Variants in BCR observed in about 807,000 individuals in gnomAD.
BCR encodes breakpoint cluster region protein.
BCR carries 58 observed loss-of-function variants against 138.6 expected under a neutral mutation model. The observed-to-expected ratio is 0.42, with a 90% CI of 0.34 to 0.52. BCR has a LOEUF of 0.52. BCR is among the 20% of genes least tolerant of loss of function. BCR has a pLI of 0.06. For missense variants in BCR, 1,599 were observed against 1,727.2 expected, an observed-to-expected ratio of 0.93 and a Z score of 1.32; for synonymous variants, 786 against 730.1, an observed-to-expected ratio of 1.08 and a Z score of -1.23.
At chr22:23,259,327 A>G (rs2146273055) in intron 2 of BCR, among the ~76,000 whole-genome samples, 1 of 152,180 alleles carries the variant, frequency 6.6e-6, no homozygotes, top group East Asian at 1.9e-4. Context: ...TCTTCACATA[A>G]TGTTCCCTCC....
chr22:23,284,251 C>T (rs771064580), intron 9 of BCR, among the ~76,000 whole-genome samples, 153 bp downstream of exon 9: 42 of 151,988 alleles, frequency 2.8e-4, no homozygotes, highest in Non-Finnish European at 2.8e-4. Flanking sequence ...TAAAGATTGT[C>T]ACTAGCAATC....
At chr22:23,240,340 T>G (rs1053008801) in intron 1 of BCR, among the ~76,000 whole-genome samples, 9 of 149,938 alleles carry the variant, frequency 6.0e-5, no homozygotes, top group Non-Finnish European at 1.2e-4. Context: ...TGTGTGTGTG[T>G]GTGTCTGTCT....
rs530456188 is a variant in BCR, at chr22:23,208,708, A to G, written c.1279+26469A>G. ...TCTCTACTAAAAATACAAAATAATT[A>G]GCCAGGCATGGTAGCGGGCGCCTGT... On this transcript the variant is annotated intron_variant, in intron 1 of 22. Coordinates refer to ENST00000305877, the MANE Select transcript of BCR (RefSeq NM_004327.4). 3.9e-5 allele frequency among the ~76,000 whole-genome samples: 6 copies of G among 152,274 alleles called. No homozygotes were observed. The East Asian group carries it at 7.7e-4, about 20-fold the overall frequency.
At chr22:23,210,364 C>T (rs923198339) in intron 1 of BCR, among the ~76,000 whole-genome samples, 1 of 151,360 alleles carries the variant, frequency 6.6e-6, no homozygotes, top group African/African-American at 2.4e-5. Flanking sequence ...TTGCGGTGAG[C>T]CACAATTGTG....
intron 11 of BCR, 105 bp from the exon 12 acceptor site, chr22:23,287,992 G>C (rs1703015109): frequency 8.9e-7 from 1 of 1,127,970 alleles, no homozygotes; most frequent in Non-Finnish European, 1.3e-6. Context: ...CTGGGCTCCA[G>C]CCGGCTGGAG....
Position 23,315,417 on chromosome 22 carries a change from T to C in BCR, c.3727-16T>C, listed in dbSNP as rs116411381. The C allele has an allele frequency of 4.9e-3, 7,958 of 1,612,834 alleles. 30 individuals are homozygous for C. Among genetic ancestry groups the C allele is most frequent in the Non-Finnish European group, 5.9e-3 (6,936 of 1,179,200 alleles). On this transcript the variant is annotated splice_polypyrimidine_tract_variant and intron_variant, in intron 22 of 22. Coordinates refer to ENST00000305877, the MANE Select transcript of BCR (RefSeq NM_004327.4). ...CGCTCTGAGCCACTCTTCTCTTCCC[T>C]ACTCTGCCCGGGCAGGTCCAGGTGC...
At position 23,253,871 on chromosome 22, in the gene BCR, A is replaced by G; in HGVS notation, c.1352A>G (p.Asp451Gly). Residue 451 changes from aspartate to glycine, a missense_variant, in exon 2 of 23, where the codon GAT (aspartate) becomes GGT (glycine). Physicochemically the swap from Asp to Gly is moderately conservative, Grantham distance 94 (BLOSUM62 -1). This residue lies in a region of BCR where 590 missense variants were observed against 762.4 expected (regional missense o/e 0.77). Coordinates refer to ENST00000305877, the MANE Select transcript of BCR (RefSeq NM_004327.4). ...GCAGAGGAGCAGCGCCGGCACCAAGATGGGCTGCCCTACATTGATGACTCG... is the reference window on the plus strand; with the variant it reads ...GCAGAGGAGCAGCGCCGGCACCAAGGTGGGCTGCCCTACATTGATGACTCG... ...DRAEEQRRHQDGLPYIDDSPS... is the reference protein window; with the variant it reads ...DRAEEQRRHQGGLPYIDDSPS... 1 of 1,613,016 alleles carries G rather than the reference A, an allele frequency of 6.2e-7. No individual in the cohort carries two copies. Among genetic ancestry groups the G allele is most frequent in the South Asian group, 1.1e-5 (1 of 91,050 alleles).
chr22:23,188,761 T>A (rs1371673765), intron 1 of BCR, among the ~76,000 whole-genome samples: 1 of 143,030 alleles, frequency 7.0e-6, no homozygotes, highest in African/African-American at 2.6e-5. Context: ...GTGGCTCAAG[T>A]AGGTTTTTTT....
At chr22:23,198,150 G>T in intron 1 of BCR, 1 of 323,602 alleles carries the variant, frequency 3.1e-6, no homozygotes, top group South Asian at 2.5e-5. Context: ...ACAGAAGCCA[G>T]GCTCCAAGTG....
chr22:23,308,689 A>C (rs187640008), intron 16 of BCR, among the ~76,000 whole-genome samples: 1 of 152,336 alleles, frequency 6.6e-6, no homozygotes, highest in Non-Finnish European at 1.5e-5. Flanking sequence ...CCGCTGACAT[A>C]GAACGTGCTC....
intron 1 of BCR, chr22:23,251,294 C>G (rs971948387): frequency 1.3e-5 from 2 of 152,264 alleles, no homozygotes; most frequent in Non-Finnish European, 2.9e-5. Flanking sequence ...CAGGTCTAAG[C>G]CCTGGCTGCC....
At chr22:23,314,382 G>C (rs1449641568) in intron 21 of BCR, among the ~76,000 whole-genome samples, 170 bp from the exon 22 acceptor site, 1 of 152,118 alleles carries the variant, frequency 6.6e-6, no homozygotes, top group African/African-American at 2.4e-5. Flanking sequence ...CCCAGAGCTG[G>C]CTCCTTGTCC....
chr22:23,208,064 C>G (rs1311003091), intron 1 of BCR, among the ~76,000 whole-genome samples: 1 of 152,194 alleles, frequency 6.6e-6, no homozygotes, highest in Non-Finnish European at 1.5e-5. Context: ...GAGCACCTGT[C>G]TAGACAGAAT....
intron 1 of BCR, chr22:23,198,404 T>C (rs2072507733): frequency 6.8e-6 from 3 of 442,514 alleles, no homozygotes; most frequent in Non-Finnish European, 1.3e-5. Context: ...TGTGTTTGGG[T>C]CTATGGGAAG....
chr22:23,267,640 C>T (rs1159099212), intron 4 of BCR, among the ~76,000 whole-genome samples: 1 of 152,192 alleles, frequency 6.6e-6, no homozygotes, highest in Admixed American at 6.5e-5. Context: ...CCCTTATACT[C>T]CCCAGGCCTA....
At chr22:23,258,170 A>G (rs923740889) in intron 2 of BCR, among the ~76,000 whole-genome samples, 5 of 152,224 alleles carry the variant, frequency 3.3e-5, no homozygotes, top group African/African-American at 1.2e-4. Flanking sequence ...ATACACACAT[A>G]TACACAGGCA....
Position 23,313,004 on chromosome 22 carries a change from A to G in BCR, c.3440A>G (p.Asn1147Ser), listed in dbSNP as rs757215416. 7.6e-6 allele frequency: 12 copies of G among 1,580,214 alleles called. No homozygotes were observed. Among genetic ancestry groups the G allele is most frequent in the African/African-American group, 5.4e-5 (4 of 74,554 alleles). ...EPLFTDEFYP[N>S]FAEGIALSDP... ...CTCTTCACTGACGAGTTCTACCCCAACTTCGCAGAGGGCATCGGTGAGCAC... is the reference window on the plus strand; with the variant it reads ...CTCTTCACTGACGAGTTCTACCCCAGCTTCGCAGAGGGCATCGGTGAGCAC... Residue 1147 changes from asparagine to serine, a missense_variant, in exon 20 of 23, where the codon AAC (asparagine) becomes AGC (serine). Coordinates refer to ENST00000305877, the MANE Select transcript of BCR (RefSeq NM_004327.4).
At chr22:23,267,808 A>C (rs542306198) in intron 4 of BCR, among the ~76,000 whole-genome samples, 83 of 152,344 alleles carry the variant, frequency 5.4e-4, no homozygotes, top group Non-Finnish European at 1.0e-3. Context: ...AATAAAGAAC[A>C]AACAACACCT....
chr22:23,281,744 C>T (rs930793892), intron 8 of BCR, among the ~76,000 whole-genome samples: 3 of 152,206 alleles, frequency 2.0e-5, no homozygotes, highest in Admixed American at 1.3e-4. Context: ...GTCCACTGTT[C>T]GAGCCTCCCG....
Sources: gnomAD v4.1 joint callset for allele counts (sites outside exome capture counted in the v4.1 genomes callset) on GRCh38, gnomAD v4.1.1 for gene constraint, gnomAD v4.1.1 regional missense constraint, MANE v1.5 for transcripts, NCBI Gene and HGNC (gene_info 2026-07-23, HGNC 2026-07-21) for gene names.